The following VCL variants were observed in gnomAD, a reference collection of about 807,000 sequenced individuals.
VCL encodes vinculin.
In VCL, 47 loss-of-function variants were observed where a neutral mutation model predicts 125.7. The ratio of observed to expected loss-of-function variants is 0.37; its 90% CI spans 0.30 to 0.48. The LOEUF is 0.48. Among genes scored for constraint, VCL ranks in the 20% least tolerant of loss-of-function variants. The pLI is 0.99. For synonymous variants in VCL, 458 were observed against 514.6 expected, an observed-to-expected ratio of 0.89 and a Z score of 1.49; for missense variants, 1,069 against 1,455.5, an observed-to-expected ratio of 0.73 and a Z score of 4.32.
intron 20 of VCL, 33 bp downstream of exon 20, chr10:74,114,420 T>TGTGTGTGTGC (rs1840279454): frequency 1.3e-6 from 2 of 1,571,976 alleles, no homozygotes; most frequent in African/African-American, 1.4e-5. Context: ...TGTGTGTGTG[T>TGTGTGTGTGC]GTGTGTGTGT....
chr10:74,025,421 C>T (rs925823833), intron 1 of VCL, among the ~76,000 whole-genome samples: 1 of 151,604 alleles, frequency 6.6e-6, no homozygotes, highest in Non-Finnish European at 1.5e-5. Flanking sequence ...TGAGACCAGC[C>T]TAGGCAACAT....
In VCL at chr10:74,075,766, G is replaced by T. The variant is rs553230755; in HGVS notation, c.783+863G>T. ...GGATTTTGTTGTATGACTTCCATTG[G>T]GTGCTCAGTAGAACGGTATGTTCTC... On this transcript the variant is annotated intron_variant, in intron 6 of 21. Transcript: ENST00000211998. 2.0e-5 allele frequency: 3 copies of T among 152,748 alleles called. No homozygotes were observed. In the East Asian group the frequency reaches 5.8e-4, roughly 29 times the overall value. The allele number at this position is 152,748 out of a possible 1,614,324, so 9.5% of individuals were successfully genotyped here.
In VCL at chr10:74,112,023, C is replaced by A. The variant is rs1564534993; in HGVS notation, c.2860C>A (p.Leu954Met). ...DMEDDYEPEL[L>M]LMPSNQPVNQ... ...GGAAGACGATTACGAACCTGAGCTG[C>A]TGTTAATGCCATCCAATCAGCCGGT... Residue 954 changes from leucine (L) to methionine (M), a missense_variant, in exon 19 of 22, where the codon CTG becomes ATG. Physicochemically the swap from Leu to Met is conservative, Grantham distance 15. This residue lies in a region of VCL where 86 missense variants were observed against 91.0 expected (regional missense o/e 0.95). Transcript: ENST00000211998. 3 of 1,614,120 alleles carry A rather than the reference C, an allele frequency of 1.9e-6. No individual in the cohort carries two copies. The Admixed American group carries it at 5.0e-5, about 27-fold the overall frequency.
chr10:73,998,441 G>C, intron 1 of VCL, 66 bp downstream of exon 1: 1 of 1,300,928 alleles, frequency 7.7e-7, no homozygotes, highest in African/African-American at 1.6e-5. Context: ...GGCCCGCGTC[G>C]CGGCTGCCTG....
At chr10:74,032,623 C>T (rs1232494985) in intron 1 of VCL, among the ~76,000 whole-genome samples, 1 of 151,642 alleles carries the variant, frequency 6.6e-6, no homozygotes, top group Non-Finnish European at 1.5e-5. Context: ...TCGCTTGAAC[C>T]CGGGAGGCGG....
intron 11 of VCL, 80 bp from the exon 12 acceptor site, chr10:74,095,576 A>T: frequency 6.3e-7 from 1 of 1,584,194 alleles, no homozygotes; most frequent in Non-Finnish European, 8.6e-7. Flanking sequence ...ATAGAGCAAG[A>T]CGCCACATCG....
intron 17 of VCL, 51 bp downstream of exon 17, chr10:74,107,405 C>G (rs984055462): frequency 1.2e-6 from 2 of 1,613,808 alleles, no homozygotes; most frequent in Non-Finnish European, 1.7e-6. Flanking sequence ...GTTGAGACTT[C>G]AGCAAGAGAG....
intron 19 of VCL, among the ~76,000 whole-genome samples, chr10:74,113,327 T>C (rs1365989464): frequency 6.6e-6 from 1 of 152,236 alleles, no homozygotes; most frequent in African/African-American, 2.4e-5. Context: ...AAGTCTAAGA[T>C]AAACTGCCAT....
intron 21 of VCL, 92 bp downstream of exon 21, chr10:74,114,991 T>C (rs1840289751): frequency 4.2e-6 from 5 of 1,195,454 alleles, no homozygotes; most frequent in Middle Eastern, 1.9e-4. Context: ...TACCCCTTAA[T>C]TGAGTATCGA....
intron 14 of VCL, 38 bp from the exon 15 acceptor site, chr10:74,103,782 G>A: frequency 6.4e-7 from 1 of 1,567,420 alleles, no homozygotes; most frequent in African/African-American, 1.3e-5. Flanking sequence ...TGGAGAGCAA[G>A]GGTGCTCTGG....
At position 74,082,439 on chromosome 10, in the gene VCL, A is replaced by AT. The variant is rs769347125; in HGVS notation, c.784-12dup. The stretch of plus-strand genomic sequence containing the variant: ...CTTTTGCAAAGAAAATAATGGTGGG[A>AT]TTTCTTCCCAAAAGGACACTGAAGC... On this transcript the variant is annotated splice_polypyrimidine_tract_variant and intron_variant, in intron 6 of 21. Coordinates refer to ENST00000211998, the MANE Select transcript of VCL (RefSeq NM_014000.3). 4 of 1,613,644 alleles carry AT rather than the reference A, an allele frequency of 2.5e-6. No homozygotes were observed. The highest frequency in any genetic ancestry group is 2.5e-6 in the Non-Finnish European group (3 of 1,179,738).
At chr10:74,072,333 T>G (rs1841673932) in intron 4 of VCL, among the ~76,000 whole-genome samples, 1 of 152,182 alleles carries the variant, frequency 6.6e-6, no homozygotes, top group South Asian at 2.1e-4. Flanking sequence ...TTTCAGCCAC[T>G]AGATTCAGTA....
chr10:74,104,690 G>A (rs185592057), intron 15 of VCL, among the ~76,000 whole-genome samples: 1 of 152,266 alleles, frequency 6.6e-6, no homozygotes, highest in East Asian at 1.9e-4. Flanking sequence ...TGGGGAGTGA[G>A]AGGGACAGGG....
intron 1 of VCL, among the ~76,000 whole-genome samples, chr10:74,031,439 A>G (rs79871578): frequency 0.016 from 2,362 of 152,286 alleles, 67 homozygotes; most frequent in African/African-American, 0.054. Flanking sequence ...TTCTTATACC[A>G]TACACAAAAA....
intron 1 of VCL, among the ~76,000 whole-genome samples, chr10:74,024,298 C>T (rs78333497): frequency 6.6e-6 from 1 of 151,984 alleles, no homozygotes; most frequent in African/African-American, 2.4e-5. Flanking sequence ...GAATGGTCAA[C>T]GTTAGTAAAT....
At chr10:74,056,406 T>C (rs1274338661) in intron 2 of VCL, among the ~76,000 whole-genome samples, 2 of 152,096 alleles carry the variant, frequency 1.3e-5, no homozygotes, top group African/African-American at 2.4e-5. Context: ...ATTTTTAGTT[T>C]TGGGTGTACT....
intron 1 of VCL, among the ~76,000 whole-genome samples, chr10:74,035,840 T>C (rs1487993362): frequency 6.6e-6 from 1 of 152,218 alleles, no homozygotes; most frequent in Non-Finnish European, 1.5e-5. Context: ...TAGTTGCATC[T>C]GTGTTGAACA....
chr10:74,058,920 C>T (rs777338527), intron 2 of VCL, among the ~76,000 whole-genome samples: 11 of 151,652 alleles, frequency 7.3e-5, no homozygotes, highest in Admixed American at 3.3e-4. Flanking sequence ...TGTGCACGTG[C>T]GTATGCGTGA....
At chr10:74,086,498 C>G (rs760819116) in intron 8 of VCL, among the ~76,000 whole-genome samples, 1 of 152,260 alleles carries the variant, frequency 6.6e-6, no homozygotes, top group Non-Finnish European at 1.5e-5. Context: ...GTTTTGTTCT[C>G]ATTCGGAGAA....
Sources: allele counts gnomAD v4.1 joint callset (sites outside exome capture counted in the v4.1 genomes callset), GRCh38; gene constraint gnomAD v4.1.1; regional missense constraint gnomAD v4.1.1; transcripts MANE v1.5; gene names NCBI Gene and HGNC (gene_info 2026-07-23, HGNC 2026-07-21).